TLE4: variants seen among roughly 807,000 people sequenced by gnomAD.
TLE4 encodes the protein transducin-like enhancer protein 4.
Under a neutral mutation model 92.8 loss-of-function variants are expected in TLE4, and 8 were observed. The observed-to-expected ratio is 0.09, with a 90% confidence interval of 0.05 to 0.16. TLE4 has a LOEUF of 0.16. Among genes scored for constraint, TLE4 ranks in the 10% least tolerant of loss-of-function variants. The pLI is 1.00. For missense variants in TLE4, 675 were observed against 997.6 expected (o/e 0.68, Z 4.36); for synonymous variants, 371 against 374.1 (o/e 0.99, Z 0.10).
intron 8 of TLE4, 36 bp from the exon 9 acceptor site, chr9:79,704,747 A>G: frequency 2.5e-6 from 4 of 1,589,406 alleles, no homozygotes; most frequent in Non-Finnish European, 3.4e-6. Flanking sequence ...ATAGATGATA[A>G]TTTCTCAACC....
At chr9:79,661,276 A>C (rs2060497426) in intron 8 of TLE4, among the ~76,000 whole-genome samples, 1 of 152,212 alleles carries the variant, frequency 6.6e-6, no homozygotes, top group Non-Finnish European at 1.5e-5. Flanking sequence ...GAAAAATTAT[A>C]AAATCACTCA....
At chr9:79,641,131 A>C (rs1253289182) in intron 6 of TLE4, among the ~76,000 whole-genome samples, 2 of 149,962 alleles carry the variant, frequency 1.3e-5, no homozygotes, top group Admixed American at 6.6e-5. Context: ...AAAAAAAAAA[A>C]CAGGAAGAAT....
chr9:79,665,206 T>A (rs2061195881), intron 8 of TLE4, among the ~76,000 whole-genome samples: 1 of 152,200 alleles, frequency 6.6e-6, no homozygotes, highest in Non-Finnish European at 1.5e-5. Flanking sequence ...GACTAAAAAT[T>A]ATATTAATGG....
chr9:79,707,119 A>G, intron 11 of TLE4: 3 of 1,612,856 alleles, frequency 1.9e-6, no homozygotes, highest in Non-Finnish European at 1.7e-6. Context: ...TTTTGCAAGG[A>G]TAGAAGAGGG....
At chr9:79,619,823 T>C (rs1163469356) in intron 5 of TLE4, among the ~76,000 whole-genome samples, 4 of 152,212 alleles carry the variant, frequency 2.6e-5, no homozygotes, top group Non-Finnish European at 5.9e-5. Context: ...ATTTTCACAT[T>C]AGGTTGTGGG....
chr9:79,658,631 T>C (rs1004745685), intron 8 of TLE4, among the ~76,000 whole-genome samples: 17 of 152,234 alleles, frequency 1.1e-4, no homozygotes, highest in Admixed American at 1.0e-3. Flanking sequence ...TTTGCCTCAT[T>C]AATTGGGTGT....
chr9:79,725,160 C>T lies in TLE4; in HGVS notation c.*16C>T. The T allele has an allele frequency of 2.5e-6, 4 of 1,573,164 alleles. No homozygotes were observed. Among genetic ancestry groups the T allele is most frequent in the Non-Finnish European group, 3.5e-6 (4 of 1,143,028 alleles). Reference sequence around the variant, plus strand: ...TATTTATTAAAGACAAATCTTCATGCAGACTGGACTTCTCCTCCTGGTAGC... The same window carrying T: ...TATTTATTAAAGACAAATCTTCATGTAGACTGGACTTCTCCTCCTGGTAGC... On this transcript the variant is annotated 3_prime_UTR_variant, in exon 20 of 20. Transcript: ENST00000376552.
intron 8 of TLE4, among the ~76,000 whole-genome samples, chr9:79,686,309 T>A (rs1485796893): frequency 6.6e-6 from 1 of 152,222 alleles, no homozygotes; most frequent in Admixed American, 6.5e-5. Context: ...TTTTTAAAAC[T>A]TTTTTAAAAG....
rs375748034 is a variant in TLE4, at chr9:79,654,123, A to C, written c.609+48A>C. 206 of 1,540,952 alleles carry C rather than the reference A, an allele frequency of 1.3e-4. 1 individual carries two copies. In the African/African-American group the frequency reaches 2.3e-3, roughly 17 times the overall value. ...TAAGGAATGGCTTAAAAGGGCTGTAAATGATTTGAATGAATCTAGTAAAGA... is the reference window on the plus strand; with the variant it reads ...TAAGGAATGGCTTAAAAGGGCTGTACATGATTTGAATGAATCTAGTAAAGA... On this transcript the variant is annotated intron_variant, in intron 8 of 19. Transcript: ENST00000376552.
chr9:79,687,905 C>T (rs2066224002), intron 8 of TLE4, among the ~76,000 whole-genome samples: 1 of 152,180 alleles, frequency 6.6e-6, no homozygotes, highest in Non-Finnish European at 1.5e-5. Context: ...GCGTTAAAAG[C>T]ACACGATTCA....
At chr9:79,693,191 A>C (rs77385978) in intron 8 of TLE4, among the ~76,000 whole-genome samples, 3 of 152,100 alleles carry the variant, frequency 2.0e-5, no homozygotes, top group African/African-American at 7.2e-5. Flanking sequence ...TGGTATTACA[A>C]CGTGAATCTC....
intron 4 of TLE4, among the ~76,000 whole-genome samples, chr9:79,585,152 G>A (rs1013796675): frequency 6.6e-6 from 1 of 152,132 alleles, no homozygotes; most frequent in African/African-American, 2.4e-5. Flanking sequence ...ATAGTATAAC[G>A]TTGTTGAAAG....
intron 8 of TLE4, among the ~76,000 whole-genome samples, chr9:79,697,111 A>T (rs777174848): frequency 6.6e-6 from 1 of 152,218 alleles, no homozygotes; most frequent in Non-Finnish European, 1.5e-5. Context: ...CAGAGTTAGC[A>T]TACAAGATTT....
intron 8 of TLE4, among the ~76,000 whole-genome samples, chr9:79,664,456 A>G (rs1426668009): frequency 1.3e-5 from 2 of 152,180 alleles, no homozygotes; most frequent in Non-Finnish European, 2.9e-5. Context: ...TAACCAAACC[A>G]TATTGGACTG....
chr9:79,619,772 G>A (rs993377787), intron 5 of TLE4, among the ~76,000 whole-genome samples: 1 of 152,194 alleles, frequency 6.6e-6, no homozygotes, highest in Non-Finnish European at 1.5e-5. Context: ...ATGAATAATA[G>A]ACATGGATTG....
chr9:79,723,528 T>C (rs1458311020), intron 19 of TLE4, among the ~76,000 whole-genome samples: 1 of 152,198 alleles, frequency 6.6e-6, no homozygotes, highest in Non-Finnish European at 1.5e-5. Flanking sequence ...GTGAAATTAT[T>C]TGTAGAAGGA....
intron 8 of TLE4, among the ~76,000 whole-genome samples, chr9:79,690,709 G>T (rs1246451424): frequency 6.7e-6 from 1 of 149,600 alleles, no homozygotes; most frequent in African/African-American, 2.5e-5. Context: ...AGCCTCCCAG[G>T]CTCGAGATCT....
In TLE4 at chr9:79,704,834, A is replaced by T. The variant is rs1014317642; in HGVS notation, c.661A>T (p.Asn221Tyr). 1.1e-5 allele frequency: 18 copies of T among 1,614,182 alleles called. No individual in the cohort carries two copies. Among genetic ancestry groups the T allele is most frequent in the Non-Finnish European group, 1.4e-5 (17 of 1,180,030 alleles). Residue 221 changes from asparagine (N) to tyrosine (Y), a missense_variant, in exon 9 of 20, where the codon AAC becomes TAC. This residue lies in a region of TLE4 where 280 missense variants were observed against 287.3 expected (regional missense o/e 0.97). Transcript: ENST00000376552. Reference protein sequence around the residue: ...ASFRGAEKHRNSADYSSESKK... With the variant: ...ASFRGAEKHRYSADYSSESKK... ...TTTCCGAGGTGCTGAGAAGCACAGA[A>T]ACTCCGCAGACTACTCCTCAGAGAG...
chr9:79,655,443 G>T (rs1213332352), intron 8 of TLE4, among the ~76,000 whole-genome samples: 2 of 152,104 alleles, frequency 1.3e-5, no homozygotes, highest in African/African-American at 4.8e-5. Context: ...TACAATTAAA[G>T]GAATTTTTTT....
Sources: gnomAD v4.1 joint callset for allele counts (sites outside exome capture counted in the v4.1 genomes callset) on GRCh38, gnomAD v4.1.1 for gene constraint, gnomAD v4.1.1 regional missense constraint, MANE v1.5 for transcripts, NCBI Gene and HGNC (gene_info 2026-07-23, HGNC 2026-07-21) for gene names.